Variants in SLC15A2 observed in about 807,000 individuals in gnomAD.
SLC15A2 encodes kidney H(+)/peptide cotransporter.
SLC15A2 carries 77 observed loss-of-function variants against 95.5 expected under a neutral mutation model. That is an observed-to-expected ratio of 0.81 (90% CI 0.67 to 0.97). SLC15A2 has a LOEUF of 0.97. Among genes scored for constraint, SLC15A2 ranks in the 50% least tolerant of loss-of-function variants. The pLI, the probability that SLC15A2 is intolerant of heterozygous loss-of-function variation, is 0.00. For synonymous variants in SLC15A2, 306 were observed against 306.9 expected (o/e 1.00, Z 0.03); for missense variants, 893 against 874.4 (o/e 1.02, Z -0.27).
At chr3:121,908,190 G>T (rs537565757) in intron 3 of SLC15A2, among the ~76,000 whole-genome samples, 96 of 152,378 alleles carry the variant, frequency 6.3e-4, no homozygotes, top group South Asian at 1.4e-3. Context: ...CACCAAGCCA[G>T]GCGCAGGATA....
intron 3 of SLC15A2, among the ~76,000 whole-genome samples, chr3:121,903,360 T>A (rs1284920303): frequency 6.6e-6 from 1 of 152,236 alleles, no homozygotes; most frequent in African/African-American, 2.4e-5. Flanking sequence ...TTTAATTAGA[T>A]CCCATTTGTC....
intron 4 of SLC15A2, 50 bp downstream of exon 4, chr3:121,911,716 A>G: frequency 8.3e-7 from 1 of 1,200,092 alleles, no homozygotes; most frequent in Non-Finnish European, 1.2e-6. Flanking sequence ...GACATTTGTT[A>G]CAAATTATTT....
intron 3 of SLC15A2, among the ~76,000 whole-genome samples, chr3:121,909,434 T>G (rs1046666151): frequency 2.6e-5 from 4 of 152,206 alleles, no homozygotes; most frequent in African/African-American, 9.6e-5. Context: ...AATTGAAGGA[T>G]TAGTGAAGTC....
At chr3:121,925,912 G>C (rs1364374540) in intron 13 of SLC15A2, among the ~76,000 whole-genome samples, 1 of 151,212 alleles carries the variant, frequency 6.6e-6, no homozygotes, top group Non-Finnish European at 1.5e-5. Context: ...GTGAGGTAAA[G>C]CATGTACAGC....
intron 19 of SLC15A2, among the ~76,000 whole-genome samples, chr3:121,938,613 C>G (rs913920287): frequency 6.6e-6 from 1 of 152,256 alleles, no homozygotes; most frequent in Non-Finnish European, 1.5e-5. Flanking sequence ...ATGCCTCGCC[C>G]TGCTTTGGCT....
intron 3 of SLC15A2, among the ~76,000 whole-genome samples, chr3:121,898,419 T>C (rs1002862550): frequency 6.6e-6 from 1 of 152,172 alleles, no homozygotes; most frequent in African/African-American, 2.4e-5. Context: ...CCAAGAGATA[T>C]AACATGGTAT....
chr3:121,920,511 T>A (rs530272733), intron 7 of SLC15A2, among the ~76,000 whole-genome samples: 27 of 152,126 alleles, frequency 1.8e-4, no homozygotes, highest in Non-Finnish European at 3.4e-4. Flanking sequence ...GCCAGGTTGG[T>A]CAGCTCAATC....
intron 3 of SLC15A2, among the ~76,000 whole-genome samples, chr3:121,903,149 C>T (rs867483358): frequency 6.6e-6 from 1 of 152,244 alleles, no homozygotes; most frequent in East Asian, 1.9e-4. Context: ...GCATAAATGT[C>T]TTCTTTTGAA....
chr3:121,932,292 A>G (rs919173926), intron 19 of SLC15A2, among the ~76,000 whole-genome samples: 114 of 152,322 alleles, frequency 7.5e-4, no homozygotes, highest in African/African-American at 2.5e-3. Context: ...GGAAGGAGAA[A>G]CATAATTTAT....
At chr3:121,935,121 A>T (rs1039527180) in intron 19 of SLC15A2, among the ~76,000 whole-genome samples, 5 of 152,122 alleles carry the variant, frequency 3.3e-5, no homozygotes, top group Non-Finnish European at 5.9e-5. Flanking sequence ...AGCCCACTTG[A>T]TCATGGTGGA....
rs750192126 is a variant in SLC15A2, at chr3:121,897,390, G to C, written c.196G>C (p.Val66Leu). 1.9e-6 allele frequency: 3 copies of C among 1,613,614 alleles called. No individual in the cohort carries two copies. The highest frequency in any genetic ancestry group is 2.5e-6 in the Non-Finnish European group (3 of 1,179,850). Residue 66 changes from valine (V) to leucine (L), a missense_variant and splice_region_variant, in exon 3 of 22, where the codon GTG becomes CTG. Coordinates refer to ENST00000489711, the MANE Select transcript of SLC15A2 (RefSeq NM_021082.4). ...CCTCCTTTTTTTTCCCACTACAGCT[G>C]TGCTGATCCTGTATTTCCTGTATTT... Reference protein sequence around the residue: ...ERFSYYGMKAVLILYFLYFLH... With the variant: ...ERFSYYGMKALLILYFLYFLH...
chr3:121,897,121 T>C (rs1232534460), intron 2 of SLC15A2, among the ~76,000 whole-genome samples: 1 of 151,366 alleles, frequency 6.6e-6, no homozygotes, highest in Non-Finnish European at 1.5e-5. Flanking sequence ...ATGTTCATGG[T>C]TGGCCTAAAT....
In SLC15A2 at chr3:121,896,485, G is replaced by C. The variant is rs771401363; in HGVS notation, c.185G>C (p.Gly62Ala). Residue 62 changes from glycine to alanine, a missense_variant, in exon 2 of 22, where the codon GGA becomes GCA. Physicochemically the swap from Gly to Ala is moderately conservative, Grantham distance 60. Transcript: ENST00000489711. ...TTCTGCGAGCGCTTTTCCTATTATG[G>C]AATGAAAGGTAATTTTGTGTCCAAG... ...NEFCERFSYY[G>A]MKAVLILYFL... The C allele has an allele frequency of 6.2e-7, 1 of 1,613,714 alleles. No homozygotes were observed. Among genetic ancestry groups the C allele is most frequent in the Non-Finnish European group, 8.5e-7 (1 of 1,179,700 alleles).
chr3:121,930,818 T>G, intron 17 of SLC15A2, 22 bp from the exon 18 acceptor site: 1 of 1,490,054 alleles, frequency 6.7e-7, no homozygotes. Context: ...GTTTGATATG[T>G]AAATAATATC....
chr3:121,897,395 G>A lies in SLC15A2; in HGVS notation c.201G>A (p.Leu67=). 2 of 1,613,778 alleles carry A rather than the reference G, an allele frequency of 1.2e-6. No homozygotes were observed. Among genetic ancestry groups the A allele is most frequent in the Non-Finnish European group, 8.5e-7 (1 of 1,179,862 alleles). The change falls in exon 3 of 22, where the codon CTG becomes CTA. Residue 67 remains leucine, a synonymous_variant. Coordinates refer to ENST00000489711, the MANE Select transcript of SLC15A2 (RefSeq NM_021082.4). ...RFSYYGMKAV[L]ILYFLYFLHW... is the part of the protein sequence containing the mutation. ...TTTTTTTTCCCACTACAGCTGTGCT[G>A]ATCCTGTATTTCCTGTATTTCCTGC...
chr3:121,936,428 G>T (rs181274085), intron 19 of SLC15A2, among the ~76,000 whole-genome samples: 4 of 152,282 alleles, frequency 2.6e-5, no homozygotes, highest in Admixed American at 2.6e-4. Flanking sequence ...CTGAGGACTT[G>T]CTTTATGACT....
At chr3:121,939,542 G>A (rs1371695747) in intron 20 of SLC15A2, 47 bp downstream of exon 20, 2 of 1,442,672 alleles carry the variant, frequency 1.4e-6, no homozygotes, top group East Asian at 5.1e-5. Context: ...TTGCTTGAAG[G>A]ACAATGAATT....
At chr3:121,894,622 C>T in intron 1 of SLC15A2, 41 bp downstream of exon 1, 1 of 1,507,118 alleles carries the variant, frequency 6.6e-7, no homozygotes, top group East Asian at 2.3e-5. Context: ...GAGGAATGGC[C>T]TCCCTCTTTT....
rs1305693830 is a variant in SLC15A2, at chr3:121,943,403, A to C, written c.*2396A>C. On this transcript the variant is annotated 3_prime_UTR_variant, in exon 22 of 22. Coordinates refer to ENST00000489711, the MANE Select transcript of SLC15A2 (RefSeq NM_021082.4). ...TTCTCGGTTCCTGTAATGGTTCCTC[A>C]CCAGGCATAATTTGTCCTTTTACCA... 1 of 152,182 alleles carries C rather than the reference A, an allele frequency of 6.6e-6. No individual in the cohort carries two copies. The highest frequency in any genetic ancestry group is 1.5e-5 in the Non-Finnish European group (1 of 68,028). 9.4% of individuals were successfully genotyped at this position (152,182 alleles called of 1,614,324 possible). A position where few individuals can be genotyped will look rare whatever the true frequency, so the allele number is the denominator to read the frequency against.
Sources: gnomAD v4.1 joint callset for allele counts (sites outside exome capture counted in the v4.1 genomes callset) on GRCh38, gnomAD v4.1.1 for gene constraint, MANE v1.5 for transcripts, NCBI Gene and HGNC (gene_info 2026-07-23, HGNC 2026-07-21) for gene names.